Variants in KCNQ1OT1 observed in about 807,000 individuals in gnomAD.
KCNQ1OT1 encodes the protein KCNQ1 opposite strand/antisense transcript 1, also known as KCNQ1 antisense RNA 2 (non-protein coding).
At position 2,678,818 on chromosome 11, in the gene KCNQ1OT1, A is replaced by C. The variant is rs1258891627; in HGVS notation, n.21177T>G. 5 of 398,468 alleles carry C rather than the reference A, an allele frequency of 1.3e-5. No individual in the cohort carries two copies. The highest frequency in any genetic ancestry group is 2.1e-5 in the African/African-American group (1 of 48,604). The allele number at this position is 398,468 out of a possible 1,614,324, so 24.7% of individuals were successfully genotyped here. A position where few individuals can be genotyped will look rare whatever the true frequency, so the allele number is the denominator to read the frequency against. Reference sequence around the variant, plus strand: ...GGGAGCATGAGCACTTGTTTCTTCCAAGGCTCACTTCAAGGAAGGCAGAAT... The same window carrying C: ...GGGAGCATGAGCACTTGTTTCTTCCCAGGCTCACTTCAAGGAAGGCAGAAT... On this transcript the variant is annotated non_coding_transcript_exon_variant, in exon 1 of 1. Transcript: ENST00000597346. This position sits in a 1 kb window ranked among gnomAD's most constrained non-coding sequence, Gnocchi z 4.9.
exon 1 of KCNQ1OT1, chr11:2,697,076 T>G (rs1348519026): frequency 2.5e-6 from 1 of 398,440 alleles, no homozygotes; most frequent in Non-Finnish European, 4.4e-6. Context: ...ATAATAATAC[T>G]CGACATTATT....
rs564218682 is a variant in KCNQ1OT1 at position 2,675,168 on chromosome 11, G to A, written n.24827C>T. The A allele has an allele frequency of 3.8e-5, 15 of 398,572 alleles. No homozygotes were observed. The South Asian group carries it at 6.4e-4, about 17-fold the overall frequency. 24.7% of individuals were successfully genotyped at this position (398,572 alleles called of 1,614,324 possible). ...ACCCTATTAGAGGTAGTGCTCTAGCGGGGAAAGATTAGGGCCCCTCTAGGT... is the reference window on the plus strand; with the variant it reads ...ACCCTATTAGAGGTAGTGCTCTAGCAGGGAAAGATTAGGGCCCCTCTAGGT... On this transcript the variant is annotated non_coding_transcript_exon_variant, in exon 1 of 1. Coordinates refer to ENST00000597346, the Ensembl canonical transcript of KCNQ1OT1.
At chr11:2,628,689 C>T (rs1318418781) in exon 1 of KCNQ1OT1, 1 of 398,150 alleles carries the variant, frequency 2.5e-6, no homozygotes, top group African/African-American at 2.1e-5. Flanking sequence ...CTTTTGATGT[C>T]ACATCTAAAA....
In KCNQ1OT1 at chr11:2,654,677, A is replaced by AG. The variant is rs1346296100; in HGVS notation, n.45317dup. The AG allele has an allele frequency of 7.5e-6, 3 of 398,662 alleles. No individual in the cohort carries two copies. In the Admixed American group the frequency reaches 1.3e-4, roughly 18 times the overall value. 24.7% of individuals were successfully genotyped at this position (398,662 alleles called of 1,614,324 possible). Reference sequence around the variant, plus strand: ...GCAGAGGGCAGCAGAGATGGGCTGGAGCTTTGAGCTTTGTCATAGGCTGGA... The same window carrying AG: ...GCAGAGGGCAGCAGAGATGGGCTGGAGGCTTTGAGCTTTGTCATAGGCTGGA... On this transcript the variant is annotated non_coding_transcript_exon_variant, in exon 1 of 1. Transcript: ENST00000597346. This position sits in a 1 kb window ranked among gnomAD's most constrained non-coding sequence, Gnocchi z 6.4.
exon 1 of KCNQ1OT1, chr11:2,634,224 G>T: frequency 5.1e-6 from 2 of 392,118 alleles, no homozygotes; most frequent in African/African-American, 2.1e-5. Flanking sequence ...CAACGTGCAG[G>T]TTTGTTACAT....
chr11:2,690,659 G>A lies in KCNQ1OT1; in HGVS notation n.9336C>T. ...AATGCGTATTTGTCAGTGTATGTGT[G>A]TCAGTGCACATAGGTATAGGGGCTG... On this transcript the variant is annotated non_coding_transcript_exon_variant, in exon 1 of 1. Coordinates refer to ENST00000597346, the Ensembl canonical transcript of KCNQ1OT1. This position sits in a 1 kb window ranked among gnomAD's most constrained non-coding sequence, Gnocchi z 5.1. 1 of 398,678 alleles carries A rather than the reference G, an allele frequency of 2.5e-6. No homozygotes were observed. The highest frequency in any genetic ancestry group is 4.4e-6 in the Non-Finnish European group (1 of 226,088). The allele number at this position is 398,678 out of a possible 1,614,324, so 24.7% of individuals were successfully genotyped here. A position where few individuals can be genotyped will look rare whatever the true frequency, so the allele number is the denominator to read the frequency against.
At position 2,668,138 on chromosome 11, in the gene KCNQ1OT1, G is replaced by A. The variant is rs925047680; in HGVS notation, n.31857C>T. ...TGATGTCTGGCAGCCTCTCTATGGGGCTGAAGGGAGAGTGCTCCCTCATGC... is the reference window on the plus strand; with the variant it reads ...TGATGTCTGGCAGCCTCTCTATGGGACTGAAGGGAGAGTGCTCCCTCATGC... On this transcript the variant is annotated non_coding_transcript_exon_variant, in exon 1 of 1. Transcript: ENST00000597346. The surrounding 1 kb of genome is among the most constrained non-coding windows in gnomAD (Gnocchi z 4.3). 4 of 398,528 alleles carry A rather than the reference G, an allele frequency of 1.0e-5. No individual in the cohort carries two copies. The highest frequency in any genetic ancestry group is 1.3e-4 in the South Asian group (1 of 7,862). 24.7% of individuals were successfully genotyped at this position (398,528 alleles called of 1,614,324 possible).
In KCNQ1OT1 at chr11:2,698,128, C is replaced by A; in HGVS notation, n.1867G>T. ...ATCAGGCTCTTGGCTGGGTACAGAGCAGGCAGCAGAAAACAAAACAGAGTT... is the reference window on the plus strand; with the variant it reads ...ATCAGGCTCTTGGCTGGGTACAGAGAAGGCAGCAGAAAACAAAACAGAGTT... On this transcript the variant is annotated non_coding_transcript_exon_variant, in exon 1 of 1. Coordinates refer to ENST00000597346, the Ensembl canonical transcript of KCNQ1OT1. This position sits in a 1 kb window ranked among gnomAD's most constrained non-coding sequence, Gnocchi z 5.1. The A allele has an allele frequency of 2.5e-6, 1 of 398,634 alleles. No individual in the cohort carries two copies. Among genetic ancestry groups the A allele is most frequent in the Non-Finnish European group, 4.4e-6 (1 of 226,070 alleles). 24.7% of individuals were successfully genotyped at this position (398,634 alleles called of 1,614,324 possible). A position where few individuals can be genotyped will look rare whatever the true frequency, so the allele number is the denominator to read the frequency against.
Position 2,640,172 on chromosome 11 carries a change from C to T in KCNQ1OT1, n.59823G>A, listed in dbSNP as rs989170187. 70 of 381,924 alleles carry T rather than the reference C, an allele frequency of 1.8e-4. No individual in the cohort carries two copies. The highest frequency in any genetic ancestry group is 1.5e-3 in the Admixed American group (33 of 22,154). The allele number at this position is 381,924 out of a possible 1,614,324, so 23.7% of individuals were successfully genotyped here. ...GTGCTTCCCAGGTGAGGCGATGCCT[C>T]GCCCTACTTCGTCTCACACTCAGTG... On this transcript the variant is annotated non_coding_transcript_exon_variant, in exon 1 of 1. Coordinates refer to ENST00000597346, the Ensembl canonical transcript of KCNQ1OT1.
At position 2,613,739 on chromosome 11, in the gene KCNQ1OT1, A is replaced by G. The variant is rs546345412; in HGVS notation, n.86256T>C. The stretch of plus-strand genomic sequence containing the variant: ...AACATTAACATACTTCCAAAAGTCA[A>G]TACTAAACAAAAGGAGCTACTGAGA... On this transcript the variant is annotated non_coding_transcript_exon_variant, in exon 1 of 1. Transcript: ENST00000597346. The surrounding 1 kb of genome is among the most constrained non-coding windows in gnomAD (Gnocchi z 4.8). 6.0e-5 allele frequency: 24 copies of G among 398,504 alleles called. No individual in the cohort carries two copies. The East Asian group carries it at 7.8e-4, about 13-fold the overall frequency. 24.7% of individuals were successfully genotyped at this position (398,504 alleles called of 1,614,324 possible).
chr11:2,641,239 A>C lies in KCNQ1OT1; in HGVS notation n.58756T>G, dbSNP rs1278782529. The C allele has an allele frequency of 1.3e-5, 5 of 398,350 alleles. No homozygotes were observed. In the East Asian group the frequency reaches 1.4e-4, roughly 11 times the overall value. 24.7% of individuals were successfully genotyped at this position (398,350 alleles called of 1,614,324 possible). A position where few individuals can be genotyped will look rare whatever the true frequency, so the allele number is the denominator to read the frequency against. ...TCTCTTTTTAGGTTTTTCAGAAATCAAACTGTTTTCTATAGTATTAATTTA... is the reference window on the plus strand; with the variant it reads ...TCTCTTTTTAGGTTTTTCAGAAATCCAACTGTTTTCTATAGTATTAATTTA... On this transcript the variant is annotated non_coding_transcript_exon_variant, in exon 1 of 1. Transcript: ENST00000597346.
exon 1 of KCNQ1OT1, chr11:2,660,578 G>A (rs1187817703): frequency 7.5e-6 from 3 of 398,548 alleles, no homozygotes; most frequent in African/African-American, 4.1e-5. Flanking sequence ...ACATGAACAG[G>A]CAATTCTGCA....
In KCNQ1OT1 at chr11:2,670,033, C is replaced by T. The variant is rs991861403; in HGVS notation, n.29962G>A. 2.5e-6 allele frequency: 1 copy of T among 398,562 alleles called. No homozygotes were observed. Among genetic ancestry groups the T allele is most frequent in the Non-Finnish European group, 4.4e-6 (1 of 226,074 alleles). The allele number at this position is 398,562 out of a possible 1,614,324, so 24.7% of individuals were successfully genotyped here. A position where few individuals can be genotyped will look rare whatever the true frequency, so the allele number is the denominator to read the frequency against. On this transcript the variant is annotated non_coding_transcript_exon_variant, in exon 1 of 1. Coordinates refer to ENST00000597346, the Ensembl canonical transcript of KCNQ1OT1. This position sits in a 1 kb window ranked among gnomAD's most constrained non-coding sequence, Gnocchi z 4.9. ...TGTTGGGGTCCCGTGGAGGTACAGG[C>T]GGAAACCTAGCACTCACTATTCTGC...
At chr11:2,685,904 G>C (rs947592238) in exon 1 of KCNQ1OT1, 1 of 398,614 alleles carries the variant, frequency 2.5e-6, no homozygotes, top group African/African-American at 2.1e-5. Flanking sequence ...TGTTCTCCAC[G>C]GATGAGCCTG....
Position 2,619,809 on chromosome 11 carries a change from G to T in KCNQ1OT1, n.80186C>A, listed in dbSNP as rs185464443. On this transcript the variant is annotated non_coding_transcript_exon_variant, in exon 1 of 1. Transcript: ENST00000597346. ...TGAATATTGGGTAGTATTCAGTCAT[G>T]AAGCTATCTGGTCCTGGGCTTTTCT... The T allele has an allele frequency of 8.4e-4, 334 of 398,148 alleles. 2 individuals are homozygous for T. The highest frequency in any genetic ancestry group is 5.7e-3 in the African/African-American group (275 of 48,540). 24.7% of individuals were successfully genotyped at this position (398,148 alleles called of 1,614,324 possible). A position where few individuals can be genotyped will look rare whatever the true frequency, so the allele number is the denominator to read the frequency against.
exon 1 of KCNQ1OT1, chr11:2,632,918 C>A: frequency 2.5e-6 from 1 of 398,452 alleles, no homozygotes; most frequent in South Asian, 1.3e-4. Flanking sequence ...GATTTCCTTT[C>A]CTTTGAGTCA....
At chr11:2,672,844 G>T (rs928507646) in exon 1 of KCNQ1OT1, 8 of 398,806 alleles carry the variant, frequency 2.0e-5, no homozygotes, top group Non-Finnish European at 3.5e-5. Flanking sequence ...TTCTGCCTGG[G>T]CATTTTCTTG....
At position 2,673,445 on chromosome 11, in the gene KCNQ1OT1, G is replaced by A; in HGVS notation, n.26550C>T. 2.5e-6 allele frequency: 1 copy of A among 398,642 alleles called. No individual in the cohort carries two copies. Among genetic ancestry groups the A allele is most frequent in the Non-Finnish European group, 4.4e-6 (1 of 226,086 alleles). 24.7% of individuals were successfully genotyped at this position (398,642 alleles called of 1,614,324 possible). A position where few individuals can be genotyped will look rare whatever the true frequency, so the allele number is the denominator to read the frequency against. On this transcript the variant is annotated non_coding_transcript_exon_variant, in exon 1 of 1. Transcript: ENST00000597346. This position sits in a 1 kb window ranked among gnomAD's most constrained non-coding sequence, Gnocchi z 4.5. ...GCCTGGAGGTTCCAACTTGGTGTTG[G>A]GCCTCCTTGAGCCGGAACACCTGAA...
chr11:2,656,745 C>G (rs1849856742), exon 1 of KCNQ1OT1: 4 of 398,372 alleles, frequency 1.0e-5, no homozygotes, highest in African/African-American at 8.2e-5. Flanking sequence ...ACTCAGTCTT[C>G]TCTCTCATGG....
Sources: allele counts gnomAD v4.1 joint callset, GRCh38; gene constraint gnomAD v4.1.1; non-coding constraint Gnocchi (gnomAD v3.1); transcripts MANE v1.5; gene names NCBI Gene and HGNC (gene_info 2026-07-23, HGNC 2026-07-21).